The following PLCL1 variants were observed in gnomAD, a reference collection of about 807,000 sequenced individuals.
PLCL1 encodes the protein phospholipase C like 1 (inactive).
Under a neutral mutation model 84.4 loss-of-function variants are expected in PLCL1, and 41 were observed. The ratio of observed to expected loss-of-function variants is 0.49; its 90% CI spans 0.38 to 0.63. The LOEUF is 0.63. Among genes scored for constraint, PLCL1 ranks in the 30% least tolerant of loss-of-function variants. The pLI, the probability that PLCL1 is intolerant of heterozygous loss-of-function variation, is 0.00. For missense variants in PLCL1, 1,206 were observed against 1,367.8 expected (o/e 0.88, Z 1.87); for synonymous variants, 490 against 488.3 (o/e 1.00, Z -0.05).
chr2:197,951,172 A>G (rs1351565722), intron 1 of PLCL1, among the ~76,000 whole-genome samples: 2 of 152,164 alleles, frequency 1.3e-5, no homozygotes, highest in Non-Finnish European at 2.9e-5. Context: ...TACAAAATGA[A>G]CAAACATACA....
At chr2:198,046,272 A>G (rs1275973490) in intron 1 of PLCL1, among the ~76,000 whole-genome samples, 2 of 152,200 alleles carry the variant, frequency 1.3e-5, no homozygotes, top group Non-Finnish European at 2.9e-5. Context: ...AATTTCAACT[A>G]AGTTTAGTTA....
chr2:197,821,054 A>G (rs1690805664), intron 1 of PLCL1, among the ~76,000 whole-genome samples: 1 of 152,160 alleles, frequency 6.6e-6, no homozygotes, highest in Admixed American at 6.6e-5. Context: ...CCCTGTAAGG[A>G]TCACGGTGCT....
At chr2:198,104,028 G>A in intron 5 of PLCL1, 92 bp downstream of exon 5, 3 of 581,934 alleles carry the variant, frequency 5.2e-6, no homozygotes, top group Non-Finnish European at 8.6e-6. Flanking sequence ...TAAATATGAT[G>A]GTTTGGATTT....
At chr2:198,057,774 G>A (rs995183165) in intron 1 of PLCL1, among the ~76,000 whole-genome samples, 2 of 152,206 alleles carry the variant, frequency 1.3e-5, no homozygotes, top group East Asian at 1.9e-4. Context: ...TAGGCGTGGC[G>A]AGAAATAGTG....
At chr2:197,958,879 T>A (rs1230400199) in intron 1 of PLCL1, among the ~76,000 whole-genome samples, 5 of 149,496 alleles carry the variant, frequency 3.3e-5, no homozygotes, top group Non-Finnish European at 7.4e-5. Context: ...AATTCAGGCA[T>A]TTTGGTTTCG....
chr2:197,838,807 A>C (rs975162843), intron 1 of PLCL1, among the ~76,000 whole-genome samples: 2 of 152,232 alleles, frequency 1.3e-5, no homozygotes, highest in African/African-American at 4.8e-5. Flanking sequence ...CATGAGCCAG[A>C]GCTGGTCACC....
At chr2:197,829,905 T>C (rs565403572) in intron 1 of PLCL1, among the ~76,000 whole-genome samples, 1 of 152,312 alleles carries the variant, frequency 6.6e-6, no homozygotes, top group African/African-American at 2.4e-5. Flanking sequence ...GGATTACATA[T>C]GAAATCTTGT....
At chr2:197,997,728 C>T (rs1401186059) in intron 1 of PLCL1, among the ~76,000 whole-genome samples, 2 of 152,130 alleles carry the variant, frequency 1.3e-5, no homozygotes. Context: ...TGACCTTTAT[C>T]TTCCATTTTA....
At chr2:197,898,121 C>T (rs1688190621) in intron 1 of PLCL1, among the ~76,000 whole-genome samples, 1 of 152,180 alleles carries the variant, frequency 6.6e-6, no homozygotes, top group Non-Finnish European at 1.5e-5. Flanking sequence ...GGCATTTGTT[C>T]CCTTGCAGAC....
At chr2:197,882,752 T>G (rs1687853399) in intron 1 of PLCL1, among the ~76,000 whole-genome samples, 1 of 152,212 alleles carries the variant, frequency 6.6e-6, no homozygotes, top group African/African-American at 2.4e-5. Context: ...AGCAGCATTA[T>G]GTACAGTAAA....
chr2:197,969,106 A>T (rs1243089097), intron 1 of PLCL1, among the ~76,000 whole-genome samples: 1 of 152,162 alleles, frequency 6.6e-6, no homozygotes, highest in Non-Finnish European at 1.5e-5. Flanking sequence ...TGTGTGCCTT[A>T]TGAGAGTCTA....
chr2:197,955,943 T>A (rs984418195), intron 1 of PLCL1, among the ~76,000 whole-genome samples: 6 of 151,694 alleles, frequency 4.0e-5, no homozygotes, highest in African/African-American at 1.5e-4. Context: ...ATGCATTAGG[T>A]ATTTGTCATA....
intron 5 of PLCL1, among the ~76,000 whole-genome samples, chr2:198,105,477 C>T (rs1457865461): frequency 2.0e-5 from 3 of 151,772 alleles, no homozygotes; most frequent in Non-Finnish European, 4.4e-5. Context: ...GTGGCTTGAT[C>T]TCTAGGTTCA....
At chr2:197,903,921 G>A (rs973034519) in intron 1 of PLCL1, among the ~76,000 whole-genome samples, 9 of 151,018 alleles carry the variant, frequency 6.0e-5, no homozygotes, top group Non-Finnish European at 1.2e-4. Context: ...ACCTGCCTCA[G>A]CCTCCCGAGT....
At chr2:198,003,977 A>G (rs534948007) in intron 1 of PLCL1, among the ~76,000 whole-genome samples, 2 of 152,340 alleles carry the variant, frequency 1.3e-5, no homozygotes, top group African/African-American at 4.8e-5. Context: ...AGTGATTAAT[A>G]TTATTCAATG....
At chr2:197,876,666 A>G (rs1189838404) in intron 1 of PLCL1, among the ~76,000 whole-genome samples, 2 of 152,076 alleles carry the variant, frequency 1.3e-5, no homozygotes, top group South Asian at 2.1e-4. Flanking sequence ...TATTTTTGGT[A>G]GAAGTGAGTT....
intron 5 of PLCL1, among the ~76,000 whole-genome samples, 169 bp downstream of exon 5, chr2:198,104,105 G>C (rs185658821): frequency 3.4e-4 from 51 of 151,896 alleles, no homozygotes; most frequent in Admixed American, 5.9e-4. Context: ...TGTGTGTCGC[G>C]GGGGGCTGGA....
At chr2:198,049,693 A>G (rs1398711358) in intron 1 of PLCL1, among the ~76,000 whole-genome samples, 1 of 152,184 alleles carries the variant, frequency 6.6e-6, no homozygotes, top group Non-Finnish European at 1.5e-5. Context: ...AGTGCTGTAA[A>G]TCATAGCATC....
chr2:198,076,725 A>C (rs1643273820), intron 1 of PLCL1, among the ~76,000 whole-genome samples: 1 of 152,222 alleles, frequency 6.6e-6, no homozygotes, highest in African/African-American at 2.4e-5. Flanking sequence ...CTCTGCATTA[A>C]GTAACTGGAG....
Sources: allele counts gnomAD v4.1 joint callset (sites outside exome capture counted in the v4.1 genomes callset), GRCh38; gene constraint gnomAD v4.1.1; transcripts MANE v1.5; gene names NCBI Gene and HGNC (gene_info 2026-07-23, HGNC 2026-07-21).